CEP78: variants seen among roughly 807,000 people sequenced by gnomAD.
CEP78 encodes centrosomal protein 78, also known as centrosomal protein of 78 kDa.
In CEP78, 76 loss-of-function variants were observed where a neutral mutation model predicts 81.2. That is an observed-to-expected ratio of 0.94 (90% CI 0.78 to 1.13). The LOEUF is 1.13. Ranked by LOEUF, CEP78 falls within the 50% of genes most tolerant of loss-of-function variation. The pLI is 0.00. For missense variants in CEP78, 918 were observed against 846.8 expected, an observed-to-expected ratio of 1.08 and a Z score of -1.04; for synonymous variants, 293 against 301.4, an observed-to-expected ratio of 0.97 and a Z score of 0.29.
intron 11 of CEP78, among the ~76,000 whole-genome samples, chr9:78,257,926 G>A (rs1484079851): frequency 6.6e-6 from 1 of 152,192 alleles, no homozygotes; most frequent in East Asian, 1.9e-4. Flanking sequence ...AAGGGCTGTG[G>A]CACTGAAACT....
At chr9:78,241,164 T>G (rs1351033538) in intron 3 of CEP78, among the ~76,000 whole-genome samples, 3 of 152,014 alleles carry the variant, frequency 2.0e-5, no homozygotes, top group Non-Finnish European at 4.4e-5. Context: ...CCTGAAGTCT[T>G]GTGTTCGTTG....
intron 5 of CEP78, among the ~76,000 whole-genome samples, chr9:78,246,458 T>C (rs537944639): frequency 2.6e-5 from 4 of 152,168 alleles, no homozygotes; most frequent in African/African-American, 9.6e-5. Flanking sequence ...AAATTAGCCA[T>C]GCGTGGTGGC....
rs1352475160 is a variant in CEP78, at chr9:78,272,179, A to C, written c.*1328A>C. 2 of 152,232 alleles carry C rather than the reference A, an allele frequency of 1.3e-5. No individual in the cohort carries two copies. The highest frequency in any genetic ancestry group is 2.9e-5 in the Non-Finnish European group (2 of 68,140). 9.4% of individuals were successfully genotyped at this position (152,232 alleles called of 1,614,324 possible). A position where few individuals can be genotyped will look rare whatever the true frequency, so the allele number is the denominator to read the frequency against. On this transcript the variant is annotated 3_prime_UTR_variant, in exon 17 of 17. Coordinates refer to ENST00000643273, the MANE Select transcript of CEP78 (RefSeq NM_001330691.3). ...GTGATTCACCCACCTCGGCCTCCCA[A>C]AGTGCTGGGATTACAGGCATGAGCC...
intron 1 of CEP78, among the ~76,000 whole-genome samples, chr9:78,238,248 A>G (rs1478895005): frequency 4.6e-5 from 7 of 152,230 alleles, no homozygotes; most frequent in Non-Finnish European, 1.0e-4. Flanking sequence ...TGTAAGTGAA[A>G]CACAGCAGCG....
intron 14 of CEP78, 83 bp from the exon 15 acceptor site, chr9:78,265,776 C>T (rs1003926257): frequency 1.0e-4 from 84 of 803,394 alleles, no homozygotes; most frequent in Middle Eastern, 4.8e-4. Context: ...AGTAGACTAT[C>T]CTCAGTGAAG....
Position 78,248,296 on chromosome 9 carries a change from T to C in CEP78, c.898T>C (p.Ser300Pro), listed in dbSNP as rs72743760. The change falls in exon 7 of 17, where the codon TCT (serine) becomes CCT (proline). Residue 300 changes from serine to proline, a missense_variant. Transcript: ENST00000643273. ...DIRKNPLIDHSMMKAVIKKVL... is the reference protein window; with the variant it reads ...DIRKNPLIDHPMMKAVIKKVL... ...CAATTTTTATTTTACTTTAGATCAT[T>C]CTATGATGAAAGCAGTTATCAAAAA... is the stretch of plus-strand genomic sequence containing the variant. 2.0e-3 allele frequency: 3,085 copies of C among 1,531,384 alleles called. 9 individuals carry two copies. Among genetic ancestry groups the C allele is most frequent in the Non-Finnish European group, 2.5e-3 (2,761 of 1,105,070 alleles). 94.9% of individuals were successfully genotyped at this position (1,531,384 alleles called of 1,614,324 possible).
In CEP78 at chr9:78,236,481, A is replaced by G. The variant is rs769215485; in HGVS notation, c.131A>G (p.Asp44Gly). ...VRACLREGVL[D>G]FNADRLRGVD... ...GCCTGTCTCCGGGAGGGCGTGCTGG[A>G]TTTCAACGCCGACCGCCTCCGCGGG... is the stretch of plus-strand genomic sequence containing the variant. Residue 44 changes from aspartate to glycine, a missense_variant, in exon 1 of 17, where the codon GAT (aspartate) becomes GGT (glycine). By Grantham distance (94) the Asp-to-Gly change is moderately conservative (BLOSUM62 -1). Transcript: ENST00000643273. 1.2e-6 allele frequency: 2 copies of G among 1,607,288 alleles called. No homozygotes were observed. Among genetic ancestry groups the G allele is most frequent in the South Asian group, 2.2e-5 (2 of 89,650 alleles).
chr9:78,263,135 T>C (rs561392102), intron 12 of CEP78, among the ~76,000 whole-genome samples, 151 bp downstream of exon 12: 2 of 152,282 alleles, frequency 1.3e-5, no homozygotes, highest in Non-Finnish European at 2.9e-5. Flanking sequence ...TATTTACTTA[T>C]ATTTGGTGAC....
intron 5 of CEP78, among the ~76,000 whole-genome samples, chr9:78,245,455 A>T (rs1238329559): frequency 6.6e-6 from 1 of 152,152 alleles, no homozygotes; most frequent in Non-Finnish European, 1.5e-5. Context: ...CAAGACCTCA[A>T]CTAAACCTAA....
chr9:78,241,853 A>C, intron 4 of CEP78, 54 bp downstream of exon 4: 1 of 982,940 alleles, frequency 1.0e-6, no homozygotes, highest in Non-Finnish European at 1.6e-6. Context: ...GCCACACGTT[A>C]ATATTTTGAT....
rs772614850 is a variant in CEP78, at chr9:78,264,119, C to A, written c.1459-31C>A. The A allele has an allele frequency of 1.6e-5, 22 of 1,371,990 alleles. No individual in the cohort carries two copies. In the South Asian group the frequency reaches 2.3e-4, roughly 14 times the overall value. The allele number at this position is 1,371,990 out of a possible 1,614,324, so 85.0% of individuals were successfully genotyped here. A position where few individuals can be genotyped will look rare whatever the true frequency, so the allele number is the denominator to read the frequency against. On this transcript the variant is annotated intron_variant, in intron 12 of 16. Coordinates refer to ENST00000643273, the MANE Select transcript of CEP78 (RefSeq NM_001330691.3). ...TATTTTGGTGATAATGAGAGAAAAT[C>A]ATGTCACACATTTTCAATCTTCTTT... is the stretch of plus-strand genomic sequence containing the variant.
chr9:78,267,453 A>G (rs1301245987), intron 16 of CEP78, among the ~76,000 whole-genome samples: 5 of 152,250 alleles, frequency 3.3e-5, no homozygotes, highest in Non-Finnish European at 7.3e-5. Context: ...CAGAGCAGCA[A>G]ACATGTCTAG....
chr9:78,254,810 A>G, intron 10 of CEP78, 26 bp from the exon 11 acceptor site: 1 of 1,582,114 alleles, frequency 6.3e-7, no homozygotes, highest in Non-Finnish European at 8.6e-7. Context: ...TTATATTATT[A>G]TACAATCTTG....
chr9:78,238,716 G>A (rs1035123139), intron 1 of CEP78, among the ~76,000 whole-genome samples: 2 of 152,122 alleles, frequency 1.3e-5, no homozygotes, highest in Non-Finnish European at 2.9e-5. Context: ...TTCAGGTGCA[G>A]GAACTGTTCT....
chr9:78,249,952 A>G (rs1826675749), intron 8 of CEP78: 1 of 242,932 alleles, frequency 4.1e-6, no homozygotes, highest in African/African-American at 2.2e-5. Flanking sequence ...ATAATCTTTT[A>G]TTTGGATGCT....
At position 78,276,652 on chromosome 9, in the gene CEP78, G is replaced by A. The variant is rs574208680; in HGVS notation, c.*5801G>A. On this transcript the variant is annotated 3_prime_UTR_variant, in exon 17 of 17. Coordinates refer to ENST00000643273, the MANE Select transcript of CEP78 (RefSeq NM_001330691.3). ...AATAACCAATTAGAAAATGTATGAG[G>A]AAATAGACTCTCATCCACAATAGCT... is the stretch of plus-strand genomic sequence containing the variant. The A allele has an allele frequency of 6.6e-6, 1 of 151,726 alleles. No homozygotes were observed. The highest frequency in any genetic ancestry group is 1.9e-4 in the East Asian group (1 of 5,182). The allele number at this position is 151,726 out of a possible 1,614,324, so 9.4% of individuals were successfully genotyped here. A position where few individuals can be genotyped will look rare whatever the true frequency, so the allele number is the denominator to read the frequency against.
In CEP78 at chr9:78,277,094, A is replaced by C. The variant is rs1477670132; in HGVS notation, c.*6243A>C. On this transcript the variant is annotated 3_prime_UTR_variant, in exon 17 of 17. Transcript: ENST00000643273. ...TCACAAGTCAGTAGAGAAGGGTTTG[A>C]ACTATTCAGTAAATGATGTTGAGGT... The C allele has an allele frequency of 6.6e-6, 1 of 152,154 alleles. No homozygotes were observed. Among genetic ancestry groups the C allele is most frequent in the Non-Finnish European group, 1.5e-5 (1 of 67,982 alleles). 9.4% of individuals were successfully genotyped at this position (152,154 alleles called of 1,614,324 possible).
intron 8 of CEP78, among the ~76,000 whole-genome samples, chr9:78,251,681 T>C (rs1587577970): frequency 1.3e-5 from 2 of 151,434 alleles, no homozygotes; most frequent in South Asian, 2.1e-4. Flanking sequence ...AGACAACTTA[T>C]ATTTTTATAT....
intron 13 of CEP78, 31 bp from the exon 14 acceptor site, chr9:78,265,341 T>C (rs746860493): frequency 1.3e-6 from 2 of 1,542,992 alleles, no homozygotes; most frequent in South Asian, 2.5e-5. Context: ...TAGTAATCCT[T>C]GCCTTTTCCT....
Sources: allele counts gnomAD v4.1 joint callset (sites outside exome capture counted in the v4.1 genomes callset), GRCh38; gene constraint gnomAD v4.1.1; transcripts MANE v1.5; gene names NCBI Gene and HGNC (gene_info 2026-07-23, HGNC 2026-07-21).